KLC3: variants seen among roughly 807,000 people sequenced by gnomAD.
KLC3 encodes the protein kinesin light chain 3.
In KLC3, 72 loss-of-function variants were observed where a neutral mutation model predicts 62.9. The observed-to-expected ratio is 1.15, with a 90% confidence interval of 0.95 to 1.39. The LOEUF is 1.39. KLC3 is among the 40% of genes most tolerant of loss of function. The probability of loss-of-function intolerance (pLI) is 0.00; values close to 1 mark genes in which losing one functional copy is unlikely to be tolerated. For synonymous variants in KLC3, 377 were observed against 300.5 expected, an observed-to-expected ratio of 1.25 and a Z score of -2.63; for missense variants, 848 against 691.6, an observed-to-expected ratio of 1.23 and a Z score of -2.54.
chr19:45,342,292 A>G (rs183571295), intron 1 of KLC3, among the ~76,000 whole-genome samples: 87 of 152,246 alleles, frequency 5.7e-4, no homozygotes, highest in African/African-American at 2.0e-3. Context: ...GATATACACA[A>G]GCACACAGAT....
intron 1 of KLC3, among the ~76,000 whole-genome samples, chr19:45,341,574 T>TGCGCGCGCGC (rs1202070798): frequency 8.0e-6 from 1 of 124,278 alleles, no homozygotes; most frequent in South Asian, 2.8e-4. Context: ...TGTGTGTGTG[T>TGCGCGCGCGC]GTGTGCGCGC....
intron 2 of KLC3, 84 bp from the exon 3 acceptor site, chr19:45,346,460 G>A (rs560108623): frequency 4.3e-5 from 50 of 1,169,072 alleles, no homozygotes; most frequent in Admixed American, 3.5e-4. Context: ...GGGGTGCTAC[G>A]GCCTGACTCG....
intron 8 of KLC3, chr19:45,349,829 G>A (rs749359859): frequency 1.8e-5 from 10 of 542,342 alleles, no homozygotes; most frequent in Non-Finnish European, 3.2e-5. Flanking sequence ...GAAGCTGGCA[G>A]GCACAGGTGG....
intron 1 of KLC3, 111 bp from the exon 2 acceptor site, chr19:45,345,423 C>T (rs1298273242): frequency 1.4e-6 from 2 of 1,422,564 alleles, no homozygotes; most frequent in Admixed American, 2.0e-5. Context: ...CAGGGAAGAG[C>T]CAGGATGGGG....
rs200407385 is a variant in KLC3 at position 45,346,809 on chromosome 19, C to A, written c.489+35C>A. ...GCAGGGCGAGGCGGGGGGTGCTGGG[C>A]CCTTCATAGAGCCCCACAGTCCCCC... On this transcript the variant is annotated intron_variant, in intron 3 of 12. Transcript: ENST00000391946. The A allele has an allele frequency of 3.6e-4, 540 of 1,511,984 alleles. 7 individuals are homozygous for A. The East Asian group carries it at 0.013, about 37-fold the overall frequency. The allele number at this position is 1,511,984 out of a possible 1,614,324, so 93.7% of individuals were successfully genotyped here.
chr19:45,342,813 A>G (rs965689643), intron 1 of KLC3, among the ~76,000 whole-genome samples: 2 of 152,190 alleles, frequency 1.3e-5, no homozygotes, highest in Non-Finnish European at 2.9e-5. Flanking sequence ...TACATCACAT[A>G]TATACACATA....
chr19:45,346,143 CAGAG>C (rs754942860), intron 2 of KLC3, among the ~76,000 whole-genome samples: 20 of 152,036 alleles, frequency 1.3e-4, no homozygotes, highest in African/African-American at 4.3e-4. Flanking sequence ...GTCTGGGTGA[CAGAG>C]AGAGACTGTC....
At chr19:45,349,025 GTTT>G in intron 7 of KLC3, 104 bp downstream of exon 7, 2 of 1,021,040 alleles carry the variant, frequency 2.0e-6, no homozygotes, top group Non-Finnish European at 2.9e-6. Flanking sequence ...GGCCCCTTGC[GTTT>G]GGTATTGGGA....
chr19:45,343,827 T>C (rs937027932), intron 1 of KLC3, among the ~76,000 whole-genome samples: 1 of 147,894 alleles, frequency 6.8e-6, no homozygotes, highest in African/African-American at 2.5e-5. Context: ...GAGGAGAATG[T>C]ATATTATGCT....
chr19:45,341,858 G>C (rs1971404524), intron 1 of KLC3, among the ~76,000 whole-genome samples: 1 of 151,978 alleles, frequency 6.6e-6, no homozygotes, highest in Non-Finnish European at 1.5e-5. Flanking sequence ...GCAGTGGTGT[G>C]CAACGGAGAG....
intron 12 of KLC3, 42 bp from the exon 13 acceptor site, chr19:45,351,244 C>G (rs1329080075): frequency 6.4e-7 from 1 of 1,565,940 alleles, no homozygotes; most frequent in Non-Finnish European, 8.7e-7. Context: ...GTAACACTTG[C>G]CCCTCACCTC....
Position 45,347,997 on chromosome 19 carries a change from C to CGCCTTCGGACCCTGCAT in KLC3, c.617_633dup (p.Asn212AlafsTer9). The CGCCTTCGGACCCTGCAT allele has an allele frequency of 1.2e-6, 2 of 1,608,830 alleles. No homozygotes were observed. Among genetic ancestry groups the CGCCTTCGGACCCTGCAT allele is most frequent in the Non-Finnish European group, 1.7e-6 (2 of 1,177,940 alleles). On this transcript the variant is annotated frameshift_variant, in exon 5 of 13. Transcript: ENST00000391946. LOFTEE classifies it high-confidence loss of function. ...GCAGGGTGGCTATGAGATCCCTGCC[C>CGCCTTCGGACCCTGCAT]GCCTTCGGACCCTGCATAACCTCGT... is the stretch of plus-strand genomic sequence containing the variant.
chr19:45,342,533 G>A (rs907482202), intron 1 of KLC3, among the ~76,000 whole-genome samples: 1 of 152,130 alleles, frequency 6.6e-6, no homozygotes, highest in Non-Finnish European at 1.5e-5. Flanking sequence ...GCCAAGGGGG[G>A]AGCGGGTGGA....
At chr19:45,350,105 G>A in intron 8 of KLC3, 2 of 543,852 alleles carry the variant, frequency 3.7e-6, no homozygotes, top group Non-Finnish European at 6.6e-6. Flanking sequence ...TTAGGCAGGG[G>A]AAGGATACGG....
At chr19:45,346,811 C>A (rs749171400) in intron 3 of KLC3, 37 bp downstream of exon 3, 1 of 1,523,720 alleles carries the variant, frequency 6.6e-7, no homozygotes, top group Admixed American at 2.0e-5. Flanking sequence ...GTGCTGGGCC[C>A]TTCATAGAGC....
At chr19:45,342,540 T>A (rs1323973147) in intron 1 of KLC3, among the ~76,000 whole-genome samples, 3 of 151,642 alleles carry the variant, frequency 2.0e-5, no homozygotes, top group African/African-American at 7.3e-5. Context: ...GGGGAGCGGG[T>A]GGATCATTTG....
rs114203203 is a variant in KLC3, at chr19:45,349,671, G to A, written c.1143+69G>A. 9.4e-5 allele frequency: 122 copies of A among 1,292,008 alleles called. No homozygotes were observed. In the African/African-American group the frequency reaches 1.7e-3, roughly 17 times the overall value. 80.0% of individuals were successfully genotyped at this position (1,292,008 alleles called of 1,614,324 possible). A position where few individuals can be genotyped will look rare whatever the true frequency, so the allele number is the denominator to read the frequency against. On this transcript the variant is annotated intron_variant, in intron 8 of 12. Coordinates refer to ENST00000391946, the MANE Select transcript of KLC3 (RefSeq NM_177417.3). Reference sequence around the variant, plus strand: ...TGCCCTGGGGAGGCACCCATTGGTTGGATACAGGGTGAGCAACGTGAGGGT... The same window carrying A: ...TGCCCTGGGGAGGCACCCATTGGTTAGATACAGGGTGAGCAACGTGAGGGT...
In KLC3 at chr19:45,350,765, C is replaced by A; in HGVS notation, c.1379+18C>A. 6.3e-7 allele frequency: 1 copy of A among 1,596,368 alleles called. No homozygotes were observed. The highest frequency in any genetic ancestry group is 8.5e-7 in the Non-Finnish European group (1 of 1,170,872). ...GCAGCCGGGTGAGTGTTGATCAGGTCGGCAAAGAGCCCTGACATCAGCAGA... is the reference window on the plus strand; with the variant it reads ...GCAGCCGGGTGAGTGTTGATCAGGTAGGCAAAGAGCCCTGACATCAGCAGA... On this transcript the variant is annotated intron_variant, in intron 11 of 12. Transcript: ENST00000391946.
chr19:45,350,457 T>G (rs764459029), intron 9 of KLC3, 26 bp downstream of exon 9: 30 of 1,613,046 alleles, frequency 1.9e-5, no homozygotes, highest in Middle Eastern at 1.7e-4. Flanking sequence ...CTGTCTGTCT[T>G]CCCTCCTGGT....
Sources: gnomAD v4.1 joint callset for allele counts (sites outside exome capture counted in the v4.1 genomes callset) on GRCh38, gnomAD v4.1.1 for gene constraint, MANE v1.5 for transcripts, NCBI Gene and HGNC (gene_info 2026-07-23, HGNC 2026-07-21) for gene names.